GLG1: variants seen among roughly 807,000 people sequenced by gnomAD.
The protein encoded by GLG1 is golgi glycoprotein 1, also known as Golgi apparatus protein 1.
Under a neutral mutation model 160.5 loss-of-function variants are expected in GLG1, and 38 were observed. The ratio of observed to expected loss-of-function variants is 0.24; its 90% CI spans 0.18 to 0.31. The LOEUF is 0.31. Among genes scored for constraint, GLG1 ranks in the 10% least tolerant of loss-of-function variants. The pLI, the probability that GLG1 is intolerant of heterozygous loss-of-function variation, is 1.00. For missense variants in GLG1, 1,373 were observed against 1,505.2 expected (o/e 0.91, Z 1.45); for synonymous variants, 644 against 543.4 (o/e 1.19, Z -2.57).
At chr16:74,522,344 T>C (rs1165952987) in intron 2 of GLG1, among the ~76,000 whole-genome samples, 1 of 152,240 alleles carries the variant, frequency 6.6e-6, no homozygotes, top group Non-Finnish European at 1.5e-5. Context: ...CAAGCCAGCT[T>C]TGAAAGCACT....
At chr16:74,469,237 TG>T in intron 16 of GLG1, 174 bp from the exon 17 acceptor site, 1 of 599,904 alleles carries the variant, frequency 1.7e-6, no homozygotes, top group East Asian at 2.8e-5. Context: ...AATTTGACTG[TG>T]GGTGTCATGA....
chr16:74,454,666 C>CAA (rs58759187), intron 25 of GLG1, among the ~76,000 whole-genome samples: 25 of 38,532 alleles, frequency 6.5e-4, no homozygotes, highest in African/African-American at 2.3e-3. Context: ...AATCCGTCCC[C>CAA]AAAAAAAAAA....
chr16:74,503,909 G>A (rs2016505020), intron 3 of GLG1, among the ~76,000 whole-genome samples, 163 bp from the exon 4 acceptor site: 2 of 152,120 alleles, frequency 1.3e-5, no homozygotes, highest in Non-Finnish European at 2.9e-5. Context: ...AAAACATTTA[G>A]GAATACATTC....
intron 25 of GLG1, 35 bp from the exon 26 acceptor site, chr16:74,453,369 G>C: frequency 1.4e-6 from 2 of 1,448,518 alleles, no homozygotes; most frequent in Non-Finnish European, 1.9e-6. Flanking sequence ...TTCTCTGAGA[G>C]AGCACTGGGC....
rs2015191399 is a variant in GLG1 at position 74,471,063 on chromosome 16, A to G, written c.2229+110T>C. On this transcript the variant is annotated intron_variant, in intron 15 of 25. Transcript: ENST00000422840. The stretch of plus-strand genomic sequence containing the variant: ...TGAGCCACCACGCCTGGCTGGAAAA[A>G]AATGACTTTTAACAGAACATCAGAG... The G allele has an allele frequency of 1.2e-5, 9 of 732,196 alleles. 1 individual carries two copies. In the South Asian group the frequency reaches 1.3e-4, roughly 10 times the overall value. The allele number at this position is 732,196 out of a possible 1,614,324, so 45.4% of individuals were successfully genotyped here. A position where few individuals can be genotyped will look rare whatever the true frequency, so the allele number is the denominator to read the frequency against.
chr16:74,519,883 C>G (rs1012469273), intron 2 of GLG1, among the ~76,000 whole-genome samples: 1 of 152,148 alleles, frequency 6.6e-6, no homozygotes, highest in Non-Finnish European at 1.5e-5. Context: ...ACCCATCTTC[C>G]TGGTCCCACT....
At chr16:74,564,206 C>A (rs2018588288) in intron 1 of GLG1, among the ~76,000 whole-genome samples, 3 of 152,176 alleles carry the variant, frequency 2.0e-5, no homozygotes, top group Non-Finnish European at 4.4e-5. Flanking sequence ...AGGTGTGAGC[C>A]ATCATACCAG....
Position 74,539,663 on chromosome 16 carries a change from A to G in GLG1, c.439-7510T>C, listed in dbSNP as rs928103036. Among the ~76,000 whole-genome samples, 14 of 151,828 alleles carry G rather than the reference A, an allele frequency of 9.2e-5. 2 individuals are homozygous for G. On this transcript the variant is annotated intron_variant, in intron 1 of 25. Coordinates refer to ENST00000422840, the MANE Select transcript of GLG1 (RefSeq NM_001145667.2). Reference sequence around the variant, plus strand: ...CTATTCTGAAAATATGAAAACACAGAGCAATCGCTAATTACTCAAAACCAC... The same window carrying G: ...CTATTCTGAAAATATGAAAACACAGGGCAATCGCTAATTACTCAAAACCAC...
chr16:74,584,667 C>A (rs1047055146), intron 1 of GLG1, among the ~76,000 whole-genome samples: 1 of 152,012 alleles, frequency 6.6e-6, no homozygotes, highest in Non-Finnish European at 1.5e-5. Flanking sequence ...ACCTGTAATC[C>A]CAGCACTTCG....
At position 74,451,294 on chromosome 16, in the gene GLG1, C is replaced by T. The variant is rs201489648; in HGVS notation, c.*1873G>A. On this transcript the variant is annotated 3_prime_UTR_variant, in exon 26 of 26. Coordinates refer to ENST00000422840, the MANE Select transcript of GLG1 (RefSeq NM_001145667.2). Reference sequence around the variant, plus strand: ...ATCAGGAAGACCCTACAAGCAGGACCGAGGGGACTAAGCAGCTTAGCAGCT... The same window carrying T: ...ATCAGGAAGACCCTACAAGCAGGACTGAGGGGACTAAGCAGCTTAGCAGCT... The T allele has an allele frequency of 6.6e-6, 1 of 152,170 alleles. No individual in the cohort carries two copies. The highest frequency in any genetic ancestry group is 1.5e-5 in the Non-Finnish European group (1 of 68,074). 9.4% of individuals were successfully genotyped at this position (152,170 alleles called of 1,614,324 possible).
chr16:74,563,430 G>C (rs540350082), intron 1 of GLG1: 3 of 152,272 alleles, frequency 2.0e-5, no homozygotes, highest in Admixed American at 2.0e-4. Context: ...ACAGTGTCTA[G>C]AAATTTGTCC....
intron 1 of GLG1, among the ~76,000 whole-genome samples, chr16:74,534,764 T>G (rs1201794084): frequency 6.6e-6 from 1 of 152,142 alleles, no homozygotes; most frequent in African/African-American, 2.4e-5. Context: ...TCCGCTGACG[T>G]TGAGCAAATC....
At chr16:74,570,980 C>CA (rs1455356489) in intron 1 of GLG1, among the ~76,000 whole-genome samples, 5 of 151,718 alleles carry the variant, frequency 3.3e-5, no homozygotes, top group Non-Finnish European at 5.9e-5. Flanking sequence ...AACCACACCT[C>CA]ACTTGGCACT....
At chr16:74,597,100 G>C (rs895815224) in intron 1 of GLG1, among the ~76,000 whole-genome samples, 3 of 151,284 alleles carry the variant, frequency 2.0e-5, no homozygotes, top group Non-Finnish European at 4.4e-5. Flanking sequence ...GCCTGGGCAA[G>C]AGAGTGAGAC....
chr16:74,581,559 G>T (rs1384151390), intron 1 of GLG1, among the ~76,000 whole-genome samples: 1 of 148,874 alleles, frequency 6.7e-6, no homozygotes, highest in Non-Finnish European at 1.5e-5. Flanking sequence ...AAAAGGCCAG[G>T]AGGTGCTTCA....
chr16:74,466,476 A>T (rs1044470381), intron 18 of GLG1, among the ~76,000 whole-genome samples: 1 of 152,238 alleles, frequency 6.6e-6, no homozygotes, highest in African/African-American at 2.4e-5. Flanking sequence ...AGCTGGGGCT[A>T]TCGCAGGAAG....
At chr16:74,493,172 C>G (rs773121988) in intron 6 of GLG1, 32 bp from the exon 7 acceptor site, 4 of 1,512,226 alleles carry the variant, frequency 2.6e-6, no homozygotes, top group Non-Finnish European at 3.6e-6. Context: ...AGCCGTGAGA[C>G]CACTCATGTA....
At chr16:74,598,428 G>A (rs1376172718) in intron 1 of GLG1, among the ~76,000 whole-genome samples, 2 of 151,654 alleles carry the variant, frequency 1.3e-5, no homozygotes, top group East Asian at 1.9e-4. Context: ...GGCTGAGGAA[G>A]GAGAATCACT....
In GLG1 at chr16:74,452,335, C is replaced by T; in HGVS notation, c.*832G>A. On this transcript the variant is annotated 3_prime_UTR_variant, in exon 26 of 26. Coordinates refer to ENST00000422840, the MANE Select transcript of GLG1 (RefSeq NM_001145667.2). ...CCTGGAGGAGGAAGGTTCCTGGGAT[C>T]CTGCTGCCCCGGGACTCAGGATCCA... 1 of 1,387,568 alleles carries T rather than the reference C, an allele frequency of 7.2e-7. No homozygotes were observed. The allele number at this position is 1,387,568 out of a possible 1,614,324, so 86.0% of individuals were successfully genotyped here. A position where few individuals can be genotyped will look rare whatever the true frequency, so the allele number is the denominator to read the frequency against.
Sources: gnomAD v4.1 joint callset for allele counts (sites outside exome capture counted in the v4.1 genomes callset) on GRCh38, gnomAD v4.1.1 for gene constraint, MANE v1.5 for transcripts, NCBI Gene and HGNC (gene_info 2026-07-23, HGNC 2026-07-21) for gene names.